Variants in AEN observed in about 807,000 individuals in gnomAD.
The protein encoded by AEN is apoptosis enhancing nuclease.
A neutral mutation model predicts 17.7 loss-of-function variants in AEN; 21 were observed. That is an observed-to-expected ratio of 1.19 (90% CI 0.84 to 1.71). AEN has a LOEUF of 1.71. Ranked by LOEUF, AEN falls within the 40% of genes most tolerant of loss-of-function variation. The pLI is 0.00. For missense variants in AEN, 462 were observed against 435.9 expected, an observed-to-expected ratio of 1.06 and a Z score of -0.53; for synonymous variants, 190 against 173.0, an observed-to-expected ratio of 1.10 and a Z score of -0.77.
chr15:88,623,865 G>T (rs1222803980), intron 1 of AEN, among the ~76,000 whole-genome samples: 1 of 152,210 alleles, frequency 6.6e-6, no homozygotes, highest in Non-Finnish European at 1.5e-5. Flanking sequence ...GCGAGGAGCA[G>T]TGCCTCCAGC....
chr15:88,622,198 G>A (rs935366157), intron 1 of AEN, among the ~76,000 whole-genome samples: 2 of 152,118 alleles, frequency 1.3e-5, no homozygotes, highest in Non-Finnish European at 2.9e-5. Context: ...CTTTAGGCCA[G>A]ACCCCCTCCC....
upstream of AEN, among the ~76,000 whole-genome samples, chr15:88,620,659 C>T (rs1174112432): frequency 6.6e-6 from 1 of 152,064 alleles, no homozygotes; most frequent in South Asian, 2.1e-4. Context: ...TCACCTGCCT[C>T]GGCCTCCCAA....
At chr15:88,629,811 C>T (rs891538792) in intron 3 of AEN, among the ~76,000 whole-genome samples, 4 of 152,180 alleles carry the variant, frequency 2.6e-5, no homozygotes, top group Non-Finnish European at 5.9e-5. Flanking sequence ...ATTTATTATT[C>T]ATCTGATCTG....
chr15:88,612,589 T>TTATC, the AEN span, among the ~76,000 whole-genome samples: 1 of 146,054 alleles, frequency 6.8e-6, no homozygotes, highest in East Asian at 2.0e-4. Context: ...ATTTATTTAT[T>TTATC]TATTTATTTA....
the AEN span, among the ~76,000 whole-genome samples, chr15:88,615,089 C>T: frequency 6.6e-6 from 1 of 152,116 alleles, no homozygotes; most frequent in Non-Finnish European, 1.5e-5. Flanking sequence ...TGGTCTCGAT[C>T]TGCTGACCTC....
In AEN at chr15:88,630,182, A is replaced by T. The variant is rs1237578132; in HGVS notation, c.866A>T (p.Glu289Val). 6.2e-7 allele frequency: 1 copy of T among 1,613,434 alleles called. No individual in the cohort carries two copies. Among genetic ancestry groups the T allele is most frequent in the East Asian group, 2.2e-5 (1 of 44,888 alleles). ...RSLWTCPEDR[E>V]PDSSTDMEQY... ...CTCTGGACCTGCCCCGAGGACAGAG[A>T]ACCTGACAGCAGCACAGACATGGAA... The change falls in exon 4 of 4, where the codon GAA becomes GTA. Residue 289 changes from glutamate (E) to valine (V), a missense_variant. Glu to Val is a moderately radical substitution (Grantham distance 121, BLOSUM62 -2). Transcript: ENST00000332810. This position sits in a 1 kb window ranked among gnomAD's most constrained non-coding sequence, Gnocchi z 5.1.
Position 88,629,373 on chromosome 15 carries a change from G to A in AEN, c.688G>A (p.Ala230Thr), listed in dbSNP as rs763291238. ...FLSEPGLHTR[A>T]RVSLKDLALQ... ...CAGCGAGCCCGGCCTCCACACCCGG[G>A]CCCGGGTCTCTCTAAAGGACCTGGC... is the stretch of plus-strand genomic sequence containing the variant. The change falls in exon 3 of 4, where the codon GCC (alanine) becomes ACC (threonine). Residue 230 changes from alanine to threonine, a missense_variant. Ala to Thr is a moderately conservative substitution (Grantham distance 58). Transcript: ENST00000332810. 7.4e-6 allele frequency: 12 copies of A among 1,614,088 alleles called. No homozygotes were observed. The South Asian group carries it at 1.3e-4, about 18-fold the overall frequency.
At chr15:88,616,381 C>T (rs1037175871), upstream of AEN, among the ~76,000 whole-genome samples, 3 of 152,070 alleles carry the variant, frequency 2.0e-5, no homozygotes, top group Admixed American at 1.3e-4. Context: ...CGTGAGCCAC[C>T]GCACCTGGCC....
At chr15:88,610,437 G>A in the AEN span, among the ~76,000 whole-genome samples, 5 of 152,004 alleles carry the variant, frequency 3.3e-5, no homozygotes, top group Admixed American at 2.0e-4. Context: ...ACCTCACTGC[G>A]GGGTAGACTG....
Position 88,626,538 on chromosome 15 carries a change from G to A in AEN, c.329G>A (p.Cys110Tyr), listed in dbSNP as rs139947565. Residue 110 changes from cysteine to tyrosine, a missense_variant, in exon 2 of 4, where the codon TGT (cysteine) becomes TAT (tyrosine). Cys to Tyr is a radical substitution (Grantham distance 194). Coordinates refer to ENST00000332810, the MANE Select transcript of AEN (RefSeq NM_022767.4). ...GKASGPLPSK[C>Y]VAIDCEMVGT... Reference sequence around the variant, plus strand: ...GCCTCAGGGCCCTTGCCCAGCAAGTGTGTGGCTATCGACTGTGAGATGGTG... The same window carrying A: ...GCCTCAGGGCCCTTGCCCAGCAAGTATGTGGCTATCGACTGTGAGATGGTG... 125 of 1,614,084 alleles carry A rather than the reference G, an allele frequency of 7.7e-5. No homozygotes were observed. The African/African-American group carries it at 1.1e-3, about 14-fold the overall frequency.
At chr15:88,620,255 C>A (rs112345103), upstream of AEN, among the ~76,000 whole-genome samples, 7,633 of 152,142 alleles carry the variant, frequency 0.05, 254 homozygotes, top group Middle Eastern at 0.082. Context: ...ATTTAAGTGT[C>A]AATTTCCTTA....
Position 88,621,385 on chromosome 15 carries a change from G to A in AEN, c.-65+3G>A, listed in dbSNP as rs1054798806. On this transcript the variant is annotated splice_donor_region_variant and intron_variant, in intron 1 of 3. Coordinates refer to ENST00000332810, the MANE Select transcript of AEN (RefSeq NM_022767.4). ...GGAAGAGACACGCGGGGCTTCAGGT[G>A]AGATCCAGGACCCTGCACCGGGGCG... 1 of 152,288 alleles carries A rather than the reference G, an allele frequency of 6.6e-6. No homozygotes were observed. Among genetic ancestry groups the A allele is most frequent in the African/African-American group, 2.4e-5 (1 of 41,470 alleles). 9.4% of individuals were successfully genotyped at this position (152,288 alleles called of 1,614,324 possible).
intron 3 of AEN, 132 bp downstream of exon 3, chr15:88,629,558 C>T: frequency 8.9e-7 from 1 of 1,127,360 alleles, no homozygotes; most frequent in South Asian, 1.6e-5. Context: ...GTCCAGGGAC[C>T]TTGCTTAAAT....
At chr15:88,629,825 GC>G (rs1243266298) in intron 3 of AEN, among the ~76,000 whole-genome samples, 18 of 152,188 alleles carry the variant, frequency 1.2e-4, no homozygotes, top group African/African-American at 4.3e-4. Flanking sequence ...TGATCTGCAA[GC>G]CTTTGAAGCA....
At chr15:88,616,073 G>C in the AEN span, among the ~76,000 whole-genome samples, 1 of 150,456 alleles carries the variant, frequency 6.6e-6, no homozygotes, top group African/African-American at 2.4e-5. Context: ...AGGAGCCCTC[G>C]TCTTTGTGGA....
upstream of AEN, among the ~76,000 whole-genome samples, chr15:88,616,591 A>T (rs1374400543): frequency 6.6e-6 from 1 of 152,230 alleles, no homozygotes; most frequent in African/African-American, 2.4e-5. Flanking sequence ...GACCACCCTT[A>T]CTGAATACCT....
Position 88,630,052 on chromosome 15 carries a change from C to T in AEN, c.742-6C>T, listed in dbSNP as rs1328907022. 6.2e-7 allele frequency: 1 copy of T among 1,613,788 alleles called. No homozygotes were observed. ...CAGGCAGTGATGTGTTGGCTCTCGT[C>T]AGTAGGTGGGCCAGCACGGGCACTC... is the stretch of plus-strand genomic sequence containing the variant. On this transcript the variant is annotated splice_polypyrimidine_tract_variant and splice_region_variant and intron_variant, in intron 3 of 3. Coordinates refer to ENST00000332810, the MANE Select transcript of AEN (RefSeq NM_022767.4). This position sits in a 1 kb window ranked among gnomAD's most constrained non-coding sequence, Gnocchi z 5.1.
intron 3 of AEN, among the ~76,000 whole-genome samples, chr15:88,629,814 C>G (rs2141376322): frequency 6.6e-6 from 1 of 152,306 alleles, no homozygotes; most frequent in Admixed American, 6.5e-5. Flanking sequence ...TATTATTCAT[C>G]TGATCTGCAA....
chr15:88,626,781 G>A (rs755063361), intron 2 of AEN, 32 bp downstream of exon 2: 1 of 1,581,644 alleles, frequency 6.3e-7, no homozygotes, highest in African/African-American at 1.3e-5. Flanking sequence ...TGTTTGGGAG[G>A]TGTGGTGGGC....
Sources: gnomAD v4.1 joint callset for allele counts (sites outside exome capture counted in the v4.1 genomes callset) on GRCh38, gnomAD v4.1.1 for gene constraint, Gnocchi (gnomAD v3.1) non-coding constraint, MANE v1.5 for transcripts, NCBI Gene and HGNC (gene_info 2026-07-23, HGNC 2026-07-21) for gene names.